Variants in GLB1 observed in about 807,000 individuals in gnomAD.
The protein encoded by GLB1 is beta-galactosidase.
Under a neutral mutation model 74.0 loss-of-function variants are expected in GLB1, and 56 were observed. That is an observed-to-expected ratio of 0.76 (90% CI 0.61 to 0.94). GLB1 has a LOEUF of 0.94. Ranked by LOEUF, GLB1 falls within the 40% of genes least tolerant of loss-of-function variation. The pLI, the probability that GLB1 is intolerant of heterozygous loss-of-function variation, is 0.00. For synonymous variants in GLB1, 323 were observed against 323.6 expected, an observed-to-expected ratio of 1.00 and a Z score of 0.02; for missense variants, 787 against 845.5, an observed-to-expected ratio of 0.93 and a Z score of 0.86.
intron 1 of GLB1, among the ~76,000 whole-genome samples, chr3:33,083,923 A>G (rs1319437872): frequency 6.6e-6 from 1 of 152,242 alleles, no homozygotes; most frequent in Non-Finnish European, 1.5e-5. Context: ...CCTCAGGACT[A>G]AAAGTAATTA....
intron 15 of GLB1, among the ~76,000 whole-genome samples, chr3:33,009,449 G>A (rs1696930160): frequency 6.6e-6 from 1 of 152,092 alleles, no homozygotes; most frequent in Admixed American, 6.5e-5. Flanking sequence ...TTGAACCCAG[G>A]AGGCGGAGGT....
At chr3:33,077,240 G>A in intron 1 of GLB1, 1 of 1,559,410 alleles carries the variant, frequency 6.4e-7, no homozygotes. Flanking sequence ...AATCGAGACT[G>A]AGAACAAAGA....
intron 4 of GLB1, among the ~76,000 whole-genome samples, chr3:33,067,359 T>C (rs1368343216): frequency 1.3e-5 from 2 of 151,750 alleles, no homozygotes; most frequent in Non-Finnish European, 2.9e-5. Flanking sequence ...AGTGCAGTGG[T>C]ACAATCATGG....
chr3:33,028,773 C>T (rs1442063146), intron 10 of GLB1, among the ~76,000 whole-genome samples: 1 of 151,910 alleles, frequency 6.6e-6, no homozygotes, highest in African/African-American at 2.4e-5. Context: ...TCCAGCGATT[C>T]TCCTGCCTCA....
chr3:33,045,550 G>A (rs766511592), intron 10 of GLB1: 11 of 988,710 alleles, frequency 1.1e-5, no homozygotes, highest in Non-Finnish European at 1.3e-5. Flanking sequence ...ATTTTCTAGT[G>A]AGAAATAATT....
At chr3:32,989,242 G>T in the GLB1 span, among the ~76,000 whole-genome samples, 1 of 152,108 alleles carries the variant, frequency 6.6e-6, no homozygotes, top group South Asian at 2.1e-4. Context: ...CCTCTCTCAT[G>T]TCTCCTCAGC....
Position 33,024,277 on chromosome 3 carries a change from C to T in GLB1, c.1117G>A (p.Ala373Thr). Reference sequence around the variant, plus strand: ...TTTTCCAAAGTGACCTTTCCATATGCAAACTTTGGTGTAGATGGAGGGATA... The same window carrying T: ...TTTTCCAAAGTGACCTTTCCATATGTAAACTTTGGTGTAGATGGAGGGATA... ...GPIPPSTPKFAYGKVTLEKLK... is the reference protein window; with the variant it reads ...GPIPPSTPKFTYGKVTLEKLK... The change falls in exon 11 of 16, where the codon GCA becomes ACA. Residue 373 changes from alanine to threonine, a missense_variant. Coordinates refer to ENST00000307363, the MANE Select transcript of GLB1 (RefSeq NM_000404.4). 6.2e-7 allele frequency: 1 copy of T among 1,613,204 alleles called. No homozygotes were observed. Among genetic ancestry groups the T allele is most frequent in the Non-Finnish European group, 8.5e-7 (1 of 1,179,938 alleles).
In GLB1 at chr3:33,072,688, A is replaced by T; in HGVS notation, c.101T>A (p.Ile34Asn). ...LRNATQRMFE[I>N]DYSRDSFLKD... is the part of the protein sequence containing the mutation. ...GAGGAAGGAGTCCCGGCTATAGTCA[A>T]TTTCAAACATCCTCTGGGTGGCATT... is the stretch of plus-strand genomic sequence containing the variant. The change falls in exon 2 of 16, where the codon ATT becomes AAT. Residue 34 changes from isoleucine to asparagine, a missense_variant. Physicochemically the swap from Ile to Asn is moderately radical, Grantham distance 149. Coordinates refer to ENST00000307363, the MANE Select transcript of GLB1 (RefSeq NM_000404.4). 1 of 1,614,164 alleles carries T rather than the reference A, an allele frequency of 6.2e-7. No homozygotes were observed. Among genetic ancestry groups the T allele is most frequent in the Non-Finnish European group, 8.5e-7 (1 of 1,180,026 alleles).
chr3:33,065,630 T>A, intron 4 of GLB1, 73 bp from the exon 5 acceptor site: 2 of 1,496,076 alleles, frequency 1.3e-6, no homozygotes, highest in Non-Finnish European at 1.8e-6. Flanking sequence ...CCAGGATGGC[T>A]TTGAATGTGG....
chr3:32,977,264 T>C, the GLB1 span, among the ~76,000 whole-genome samples: 1 of 150,816 alleles, frequency 6.6e-6, no homozygotes, highest in East Asian at 1.9e-4. Context: ...TGGAGTGCAG[T>C]GGCGCAATCT....
chr3:33,012,146 A>G (rs1697055910), intron 15 of GLB1, among the ~76,000 whole-genome samples: 1 of 152,120 alleles, frequency 6.6e-6, no homozygotes, highest in South Asian at 2.1e-4. Context: ...CATCCAGCCC[A>G]TGTTTTCAAC....
rs983949621 is a variant in GLB1, at chr3:33,069,114, G to C, written c.246-144C>G. The C allele has an allele frequency of 1.3e-5, 19 of 1,408,618 alleles. No homozygotes were observed. In the African/African-American group the frequency reaches 2.7e-4, roughly 20 times the overall value. The allele number at this position is 1,408,618 out of a possible 1,614,324, so 87.3% of individuals were successfully genotyped here. A position where few individuals can be genotyped will look rare whatever the true frequency, so the allele number is the denominator to read the frequency against. ...TGAAAGAAAAATTATCCAAGGCTGG[G>C]CACAGTGGCTCAGGCCTCTAATCCC... On this transcript the variant is annotated intron_variant, in intron 2 of 15. Transcript: ENST00000307363.
At chr3:33,088,691 T>C (rs1047821335) in intron 1 of GLB1, among the ~76,000 whole-genome samples, 9 of 152,190 alleles carry the variant, frequency 5.9e-5, no homozygotes, top group East Asian at 3.8e-4. Flanking sequence ...AGGTTCATAT[T>C]GTTAAGATGT....
intron 1 of GLB1, chr3:33,092,550 C>T: frequency 8.4e-7 from 1 of 1,186,522 alleles, no homozygotes; most frequent in Non-Finnish European, 1.0e-6. Flanking sequence ...GGAGAAGGTC[C>T]CCATTCCACA....
intron 4 of GLB1, among the ~76,000 whole-genome samples, chr3:33,065,900 G>A (rs1029430472): frequency 6.6e-6 from 1 of 150,978 alleles, no homozygotes; most frequent in Non-Finnish European, 1.5e-5. Flanking sequence ...CCGGGGGGGC[G>A]GAGGTTGCGG....
At chr3:33,057,747 C>T (rs999100133) in intron 6 of GLB1, among the ~76,000 whole-genome samples, 1 of 152,192 alleles carries the variant, frequency 6.6e-6, no homozygotes, top group Non-Finnish European at 1.5e-5. Flanking sequence ...GCCCCAGACA[C>T]AGCCTAAAAG....
Position 33,093,434 on chromosome 3 carries a change from G to T in GLB1, c.75+3577C>A. On this transcript the variant is annotated intron_variant, in intron 1 of 15. Coordinates refer to ENST00000307363, the MANE Select transcript of GLB1 (RefSeq NM_000404.4). This position sits in a 1 kb window ranked among gnomAD's most constrained non-coding sequence, Gnocchi z 6.0. ...CCAGAGGAGCGACAGCCGTCCGCAG[G>T]ACCGAGGCTTCTGAGTCGGAGAGGT... The T allele has an allele frequency of 6.2e-7, 1 of 1,614,092 alleles. No individual in the cohort carries two copies.
intron 1 of GLB1, among the ~76,000 whole-genome samples, chr3:33,077,757 C>T (rs1700174246): frequency 6.6e-6 from 1 of 151,082 alleles, no homozygotes; most frequent in African/African-American, 2.4e-5. Flanking sequence ...GGGAAAAATA[C>T]CGATTCTGTA....
chr3:33,035,203 G>A (rs1255755326), intron 10 of GLB1, among the ~76,000 whole-genome samples: 3 of 152,120 alleles, frequency 2.0e-5, no homozygotes, highest in Admixed American at 2.0e-4. Flanking sequence ...AGGCCAAGGT[G>A]GGAGGATTGC....
Sources: gnomAD v4.1 joint callset for allele counts (sites outside exome capture counted in the v4.1 genomes callset) on GRCh38, gnomAD v4.1.1 for gene constraint, Gnocchi (gnomAD v3.1) non-coding constraint, MANE v1.5 for transcripts, NCBI Gene and HGNC (gene_info 2026-07-23, HGNC 2026-07-21) for gene names.